Variants in AATF observed in about 807,000 individuals in gnomAD.
AATF encodes apoptosis antagonizing transcription factor.
A neutral mutation model predicts 63.7 loss-of-function variants in AATF; 48 were observed. That is an observed-to-expected ratio of 0.75 (90% CI 0.60 to 0.96). The LOEUF is 0.96. AATF is among the 40% of genes least tolerant of loss of function. AATF has a pLI of 0.00. For synonymous variants in AATF, 258 were observed against 247.7 expected (o/e 1.04, Z -0.39); for missense variants, 639 against 685.7 (o/e 0.93, Z 0.76).
Position 36,953,209 on chromosome 17 carries a change from A to G in AATF, c.607A>G (p.Ser203Gly). Residue 203 changes from serine (S) to glycine (G), a missense_variant, in exon 3 of 12, where the codon AGT becomes GGT. By Grantham distance (56) the Ser-to-Gly change is moderately conservative (BLOSUM62 0). Transcript: ENST00000619387. ...GGAAGACAGGGCTGGAGATAGAAAC[A>G]GTGAGGATGATGGTGTGGTGATGAC... ...SEEDRAGDRN[S>G]EDDGVVMTFS... 1 of 1,614,190 alleles carries G rather than the reference A, an allele frequency of 6.2e-7. No homozygotes were observed. Among genetic ancestry groups the G allele is most frequent in the Non-Finnish European group, 8.5e-7 (1 of 1,180,022 alleles).
intron 4 of AATF, among the ~76,000 whole-genome samples, chr17:36,964,215 A>C (rs950849573): frequency 9.7e-5 from 13 of 133,714 alleles, no homozygotes; most frequent in Non-Finnish European, 1.9e-4. Context: ...GCGTGTTTGC[A>C]TGTTGATAGG....
intron 10 of AATF, among the ~76,000 whole-genome samples, chr17:37,023,551 A>G (rs527290008): frequency 1.5e-4 from 22 of 143,458 alleles, no homozygotes; most frequent in African/African-American, 4.1e-4. Flanking sequence ...AAAAAGAGGC[A>G]TTCTTTTTAA....
chr17:36,970,042 G>A (rs1270841210), intron 4 of AATF, among the ~76,000 whole-genome samples: 1 of 151,986 alleles, frequency 6.6e-6, no homozygotes, highest in East Asian at 1.9e-4. Flanking sequence ...AATTTGTTTT[G>A]TTTCCAGTTT....
At chr17:36,968,270 C>CTTT (rs3049638) in intron 4 of AATF, among the ~76,000 whole-genome samples, 591 of 23,756 alleles carry the variant, frequency 0.025, 15 homozygotes, top group Non-Finnish European at 0.033. Flanking sequence ...TTCCTTCTTT[C>CTTT]TTTTTTTTTT....
At chr17:37,051,548 C>T (rs186872865) in intron 11 of AATF, among the ~76,000 whole-genome samples, 3 of 152,116 alleles carry the variant, frequency 2.0e-5, no homozygotes, top group African/African-American at 7.2e-5. Context: ...CATACACATA[C>T]ACCCCCATTT....
intron 8 of AATF, among the ~76,000 whole-genome samples, chr17:37,009,516 C>T (rs932050367): frequency 5.9e-5 from 9 of 151,816 alleles, no homozygotes; most frequent in African/African-American, 1.9e-4. Flanking sequence ...GGATAATTCT[C>T]ATCCGCTTAA....
chr17:37,044,304 C>A (rs1279782675), intron 11 of AATF, among the ~76,000 whole-genome samples: 2 of 152,160 alleles, frequency 1.3e-5, no homozygotes, highest in African/African-American at 4.8e-5. Flanking sequence ...CCATGCTAAA[C>A]CATTGCACCG....
chr17:37,004,515 TGCAGGAAAAAG>T (rs1275113140), intron 8 of AATF, among the ~76,000 whole-genome samples: 13 of 152,092 alleles, frequency 8.5e-5, no homozygotes, highest in Non-Finnish European at 1.9e-4. Flanking sequence ...AAATGGATGT[TGCAGGAAAAAG>T]GTAGGAATTG....
intron 2 of AATF, 26 bp downstream of exon 2, chr17:36,950,431 T>C (rs1166695660): frequency 1.3e-6 from 2 of 1,598,764 alleles, no homozygotes; most frequent in Non-Finnish European, 1.7e-6. Flanking sequence ...TGAATGGAAC[T>C]CTTCTCTTCC....
At chr17:37,037,951 A>C (rs1283206809) in intron 11 of AATF, among the ~76,000 whole-genome samples, 1 of 152,150 alleles carries the variant, frequency 6.6e-6, no homozygotes, top group Non-Finnish European at 1.5e-5. Context: ...CTTGTGAGGC[A>C]TCTGCTCCCC....
intron 8 of AATF, among the ~76,000 whole-genome samples, chr17:37,009,593 G>A (rs2071370129): frequency 6.6e-6 from 1 of 150,522 alleles, no homozygotes; most frequent in Non-Finnish European, 1.5e-5. Flanking sequence ...CGAGGCGGGT[G>A]GATCATGAGG....
Position 37,002,903 on chromosome 17 carries a change from GTTTT to G in AATF, c.1398+12065_1398+12068del, listed in dbSNP as rs35926577. Among the ~76,000 whole-genome samples the G allele has an allele frequency of 5.7e-3, 564 of 99,208 alleles. 5 individuals carry two copies. The highest frequency in any genetic ancestry group is 0.02 in the African/African-American group (520 of 25,828). The allele number at this position is 99,208 out of a possible 152,430, so 65.1% of individuals were successfully genotyped here. A position where few individuals can be genotyped will look rare whatever the true frequency, so the allele number is the denominator to read the frequency against. ...AATCCCTATCAACATTCCTGTTGCTGTTTTTTTTTTTTTTTTTTTTTTGCAGAAA... is the reference window on the plus strand; with the variant it reads ...AATCCCTATCAACATTCCTGTTGCTGTTTTTTTTTTTTTTTTTTGCAGAAA... On this transcript the variant is annotated intron_variant, in intron 8 of 11. Transcript: ENST00000619387.
intron 8 of AATF, among the ~76,000 whole-genome samples, chr17:37,010,468 T>G (rs2071382297): frequency 1.3e-5 from 2 of 151,946 alleles, no homozygotes; most frequent in African/African-American, 4.8e-5. Flanking sequence ...AAAAAAATTA[T>G]TATTATTATT....
intron 5 of AATF, among the ~76,000 whole-genome samples, chr17:36,987,272 T>C (rs1029452018): frequency 6.6e-6 from 1 of 151,810 alleles, no homozygotes; most frequent in Non-Finnish European, 1.5e-5. Context: ...ATTATAAGCA[T>C]GGGCCACTTC....
intron 11 of AATF, among the ~76,000 whole-genome samples, chr17:37,033,042 T>A (rs1260997696): frequency 1.3e-5 from 2 of 152,242 alleles, no homozygotes; most frequent in Non-Finnish European, 2.9e-5. Context: ...TGCCATCAGA[T>A]TTTCCCCTCC....
At chr17:36,965,787 G>A (rs1047530887) in intron 4 of AATF, among the ~76,000 whole-genome samples, 5 of 152,070 alleles carry the variant, frequency 3.3e-5, no homozygotes, top group South Asian at 4.1e-4. Context: ...CTGCAGCCTC[G>A]AACTCCTGGG....
intron 11 of AATF, among the ~76,000 whole-genome samples, chr17:37,036,736 G>A (rs946480376): frequency 6.6e-6 from 1 of 152,072 alleles, no homozygotes; most frequent in African/African-American, 2.4e-5. Flanking sequence ...CTTTGTTAGT[G>A]GAAATCTTAT....
At chr17:36,982,031 C>G (rs1227718886) in intron 4 of AATF, among the ~76,000 whole-genome samples, 1 of 152,110 alleles carries the variant, frequency 6.6e-6, no homozygotes. Context: ...CCCCTGGTAG[C>G]CACCATTCTG....
chr17:37,046,601 C>T (rs1053228924), intron 11 of AATF, among the ~76,000 whole-genome samples: 2 of 152,066 alleles, frequency 1.3e-5, no homozygotes, highest in Non-Finnish European at 2.9e-5. Flanking sequence ...AAAAGAAATC[C>T]TCCAACTTAT....
Sources: allele counts gnomAD v4.1 joint callset (sites outside exome capture counted in the v4.1 genomes callset), GRCh38; gene constraint gnomAD v4.1.1; transcripts MANE v1.5; gene names NCBI Gene and HGNC (gene_info 2026-07-23, HGNC 2026-07-21).